CEP290: variants seen among roughly 807,000 people sequenced by gnomAD.
The protein encoded by CEP290 is centrosomal protein of 290 kDa.
Under a neutral mutation model 344.9 loss-of-function variants are expected in CEP290, and 317 were observed. The observed-to-expected ratio is 0.92, with a 90% CI of 0.84 to 1.01. The LOEUF is 1.01. Among genes scored for constraint, CEP290 ranks in the 50% least tolerant of loss-of-function variants. The pLI, the probability that CEP290 is intolerant of heterozygous loss-of-function variation, is 0.00. For missense variants in CEP290, 2,754 were observed against 2,761.4 expected, an observed-to-expected ratio of 1.00 and a Z score of 0.06; for synonymous variants, 932 against 895.8, an observed-to-expected ratio of 1.04 and a Z score of -0.72.
At chr12:88,100,557 C>A (rs1227616915) in intron 26 of CEP290, among the ~76,000 whole-genome samples, 1 of 152,174 alleles carries the variant, frequency 6.6e-6, no homozygotes, top group African/African-American at 2.4e-5. Flanking sequence ...CATGTATTAG[C>A]TTGAACTCTG....
intron 40 of CEP290, 115 bp from the exon 41 acceptor site, chr12:88,077,459 T>G (rs561987141): frequency 1.3e-6 from 1 of 743,796 alleles, no homozygotes; most frequent in African/African-American, 1.8e-5. Flanking sequence ...CCATACTTTC[T>G]AAATGACACT....
chr12:88,126,251 G>C, intron 12 of CEP290, 65 bp downstream of exon 12: 1 of 1,295,270 alleles, frequency 7.7e-7, no homozygotes, highest in South Asian at 2.0e-5. Context: ...ATAAATAAAA[G>C]ACATCGTTCA....
In CEP290 at chr12:88,085,393, T is replaced by G. The variant is rs2036503133; in HGVS notation, c.4438-541A>C. Among the ~76,000 whole-genome samples the G allele has an allele frequency of 1.3e-5, 2 of 152,116 alleles. 1 individual carries two copies. The highest frequency in any genetic ancestry group is 4.1e-4 in the South Asian group (2 of 4,834). On this transcript the variant is annotated intron_variant, in intron 34 of 53. Transcript: ENST00000552810. The stretch of plus-strand genomic sequence containing the variant: ...TTTAAATTAAGTAATTCAATGGCAA[T>G]TCACATAAATGACAAATCTTAAAAT...
At chr12:88,062,897 G>A in intron 45 of CEP290, 119 bp from the exon 46 acceptor site, 1 of 608,060 alleles carries the variant, frequency 1.6e-6, no homozygotes, top group South Asian at 2.2e-5. Context: ...CCAAATAATA[G>A]GGTCTCTATA....
At chr12:88,061,091 A>G (rs1164706953) in intron 46 of CEP290, 97 bp from the exon 47 acceptor site, 1 of 830,394 alleles carries the variant, frequency 1.2e-6, no homozygotes, top group Admixed American at 4.0e-5. Flanking sequence ...AATAATTCCT[A>G]ATATTTGAAG....
At position 88,129,044 on chromosome 12, in the gene CEP290, C is replaced by T. The variant is rs974759127; in HGVS notation, c.853-9G>A. 14 of 1,352,774 alleles carry T rather than the reference C, an allele frequency of 1.0e-5. No homozygotes were observed. In the African/African-American group the frequency reaches 2.7e-4, roughly 27 times the overall value. 83.8% of individuals were successfully genotyped at this position (1,352,774 alleles called of 1,614,324 possible). A position where few individuals can be genotyped will look rare whatever the true frequency, so the allele number is the denominator to read the frequency against. On this transcript the variant is annotated splice_polypyrimidine_tract_variant and intron_variant, in intron 10 of 53. Transcript: ENST00000552810. ...TCTGTAAGCTCCTGCACCTAAAAGA[C>T]AAAGTTATTTCAAGAGTTGTTGCAA...
rs775969711 is a variant in CEP290 at position 88,079,217 on chromosome 12, CCCGA to C, written c.5235_5238del (p.Ser1745ArgfsTer4). ...ATTTCTGCCCGGAGTTCTAAAAGTG[CCCGA>C]CTAAGTGCCTAAAAATTAACCAAAA... On this transcript the variant is annotated frameshift_variant, in exon 39 of 54. Transcript: ENST00000552810. LOFTEE classifies it high-confidence loss of function. 5 of 1,584,824 alleles carry C rather than the reference CCCGA, an allele frequency of 3.2e-6. No homozygotes were observed. Among genetic ancestry groups the C allele is most frequent in the Middle Eastern group, 3.3e-4 (2 of 6,008 alleles).
chr12:88,116,425 T>C (rs1462182708), intron 18 of CEP290, among the ~76,000 whole-genome samples: 1 of 152,238 alleles, frequency 6.6e-6, no homozygotes, highest in African/African-American at 2.4e-5. Context: ...GATAACATTC[T>C]TGATAATGAT....
intron 12 of CEP290, among the ~76,000 whole-genome samples, chr12:88,125,619 TG>T (rs1022748949): frequency 6.6e-6 from 1 of 152,014 alleles, no homozygotes; most frequent in African/African-American, 2.4e-5. Context: ...AACTCCCTAA[TG>T]TTTATGGCTT....
At chr12:88,105,780 A>G (rs1283856613) in intron 25 of CEP290, among the ~76,000 whole-genome samples, 1 of 151,990 alleles carries the variant, frequency 6.6e-6, no homozygotes, top group Non-Finnish European at 1.5e-5. Context: ...TTATACAGGC[A>G]CATAGGCTGG....
chr12:88,106,857 G>T lies in CEP290; in HGVS notation c.2635C>A (p.Leu879Ile). The T allele has an allele frequency of 6.2e-7, 1 of 1,607,688 alleles. No individual in the cohort carries two copies. Among genetic ancestry groups the T allele is most frequent in the Non-Finnish European group, 8.5e-7 (1 of 1,176,720 alleles). The change falls in exon 25 of 54, where the codon CTT becomes ATT. Residue 879 changes from leucine (L) to isoleucine (I), a missense_variant. Transcript: ENST00000552810. ...GTAATTTTCCTACTATTTTCTGCAA[G>T]TATTTTTTTCATTTCATCCGAATCC... ...QMDSDEMKKI[L>I]AENSRKITVL... is the part of the protein sequence containing the mutation.
intron 44 of CEP290, among the ~76,000 whole-genome samples, chr12:88,064,809 A>G (rs995689019): frequency 6.6e-6 from 1 of 152,114 alleles, no homozygotes; most frequent in Admixed American, 6.5e-5. Flanking sequence ...CAGAACTAAG[A>G]CCATAAATTT....
At chr12:88,139,635 G>T in intron 3 of CEP290, 71 bp from the exon 4 acceptor site, 1 of 1,166,538 alleles carries the variant, frequency 8.6e-7, no homozygotes, top group Non-Finnish European at 1.1e-6. Flanking sequence ...TAAAAATTCT[G>T]TTTTATTTGT....
intron 33 of CEP290, 77 bp from the exon 34 acceptor site, chr12:88,086,250 T>C (rs1279860236): frequency 2.6e-6 from 4 of 1,545,020 alleles, no homozygotes; most frequent in Middle Eastern, 1.9e-4. Flanking sequence ...AGCTGTATGA[T>C]AAAACATAGA....
At chr12:88,067,472 C>T (rs1347535091) in intron 44 of CEP290, among the ~76,000 whole-genome samples, 1 of 152,050 alleles carries the variant, frequency 6.6e-6, no homozygotes, top group Admixed American at 6.6e-5. Flanking sequence ...AGTTACATCG[C>T]CTGCCTGTGC....
Position 88,088,159 on chromosome 12 carries a change from T to A in CEP290, c.4030-215A>T, listed in dbSNP as rs748963625. Among the ~76,000 whole-genome samples, 318 of 152,196 alleles carry A rather than the reference T, an allele frequency of 2.1e-3. 3 individuals are homozygous for A. Among genetic ancestry groups the A allele is most frequent in the Non-Finnish European group, 3.5e-3 (238 of 68,012 alleles). On this transcript the variant is annotated intron_variant, in intron 31 of 53. Coordinates refer to ENST00000552810, the MANE Select transcript of CEP290 (RefSeq NM_025114.4). ...GGATTTTACAATAAAAATCTTCAAA[T>A]TATGTTGGAATGGACATCACTAATA...
Position 88,111,324 on chromosome 12 carries a change from G to T in CEP290, c.2245C>A (p.Leu749Ile). The change falls in exon 22 of 54, where the codon CTT becomes ATT. Residue 749 changes from leucine to isoleucine, a missense_variant. Coordinates refer to ENST00000552810, the MANE Select transcript of CEP290 (RefSeq NM_025114.4). ...KIDHLEKETS[L>I]LRQSEGSNVV... Reference sequence around the variant, plus strand: ...TTTGATCCTTCTGATTGTCGTAAAAGACTAGTTTCTTTTTCAAGATGGTCT... The same window carrying T: ...TTTGATCCTTCTGATTGTCGTAAAATACTAGTTTCTTTTTCAAGATGGTCT... 1 of 1,560,306 alleles carries T rather than the reference G, an allele frequency of 6.4e-7. No homozygotes were observed. Among genetic ancestry groups the T allele is most frequent in the East Asian group, 2.4e-5 (1 of 42,344 alleles).
Position 88,123,978 on chromosome 12 carries a change from A to G in CEP290, c.1189+1268T>C, listed in dbSNP as rs561072218. ...ATTCCATTTTTATCACTTTCAAAATACATCCAGAACTGCTGCATCCAGTAA... is the reference window on the plus strand; with the variant it reads ...ATTCCATTTTTATCACTTTCAAAATGCATCCAGAACTGCTGCATCCAGTAA... On this transcript the variant is annotated intron_variant, in intron 13 of 53. Transcript: ENST00000552810. 2.6e-5 allele frequency among the ~76,000 whole-genome samples: 4 copies of G among 152,166 alleles called. No individual in the cohort carries two copies. In the East Asian group the frequency reaches 7.8e-4, roughly 30 times the overall value.
chr12:88,107,709 G>A (rs887528449), intron 23 of CEP290, among the ~76,000 whole-genome samples: 15 of 151,600 alleles, frequency 9.9e-5, no homozygotes, highest in African/African-American at 2.2e-4. Context: ...TGAGACTAGC[G>A]TGGACAATAT....
Sources: allele counts gnomAD v4.1 joint callset (sites outside exome capture counted in the v4.1 genomes callset), GRCh38; gene constraint gnomAD v4.1.1; transcripts MANE v1.5; gene names NCBI Gene and HGNC (gene_info 2026-07-23, HGNC 2026-07-21).